ANO10: variants seen among roughly 807,000 people sequenced by gnomAD.
ANO10 encodes the protein anoctamin 10.
ANO10 carries 77 observed loss-of-function variants against 74.7 expected under a neutral mutation model. That is an observed-to-expected ratio of 1.03 (90% CI 0.86 to 1.25). The LOEUF is 1.25. ANO10 is among the 50% of genes most tolerant of loss of function. ANO10 has a pLI of 0.00. For synonymous variants in ANO10, 279 were observed against 284.9 expected (o/e 0.98, Z 0.21); for missense variants, 721 against 778.1 (o/e 0.93, Z 0.87).
intron 12 of ANO10, among the ~76,000 whole-genome samples, chr3:43,393,377 T>C (rs904734223): frequency 1.3e-5 from 2 of 152,214 alleles, no homozygotes; most frequent in South Asian, 4.1e-4. Context: ...TCTCTACATT[T>C]TGACCACCTT....
chr3:43,630,989 A>T (rs2083540396), intron 1 of ANO10, among the ~76,000 whole-genome samples: 1 of 152,154 alleles, frequency 6.6e-6, no homozygotes, highest in African/African-American at 2.4e-5. Flanking sequence ...ATGTTAGTAG[A>T]GCCCAGTTTC....
In ANO10 at chr3:43,600,502, A is replaced by G; in HGVS notation, c.219T>C (p.Gly73=). 1 of 1,613,760 alleles carries G rather than the reference A, an allele frequency of 6.2e-7. No individual in the cohort carries two copies. Among genetic ancestry groups the G allele is most frequent in the Non-Finnish European group, 8.5e-7 (1 of 1,179,660 alleles). Reference sequence around the variant, plus strand: ...CTAGTAACATTCTAATCTTGGAGGCACCAACAAGATATAAGTTCTGATTTT... The same window carrying G: ...CTAGTAACATTCTAATCTTGGAGGCGCCAACAAGATATAAGTTCTGATTTT... The part of the protein sequence containing the change: ...TLENQNLYLV[G]ASKIRMLLGA... Residue 73 remains glycine (G), a synonymous_variant, in exon 3 of 13, where the codon GGT becomes GGC. Transcript: ENST00000292246.
intron 11 of ANO10, among the ~76,000 whole-genome samples, chr3:43,508,943 T>TAAAAAAAAAAAAAAA (rs35265220): frequency 9.5e-6 from 1 of 104,718 alleles, no homozygotes; most frequent in Non-Finnish European, 2.0e-5. Flanking sequence ...TAAAGTATAA[T>TAAAAAAAAAAAAAAA]AAAAAAAAAA....
chr3:43,622,733 T>C (rs1305770448), upstream of ANO10, among the ~76,000 whole-genome samples: 1 of 152,026 alleles, frequency 6.6e-6, no homozygotes, highest in Non-Finnish European at 1.5e-5. Context: ...CCTCCCTCAG[T>C]GTTTGCTGGG....
intron 1 of ANO10, among the ~76,000 whole-genome samples, chr3:43,686,767 T>C (rs2084280510): frequency 6.6e-6 from 1 of 152,192 alleles, no homozygotes; most frequent in African/African-American, 2.4e-5. Context: ...TCAGAGAGTG[T>C]GGGTCTAGAA....
chr3:43,375,345 G>A (rs2091763716), intron 12 of ANO10, among the ~76,000 whole-genome samples: 1 of 152,136 alleles, frequency 6.6e-6, no homozygotes, highest in Non-Finnish European at 1.5e-5. Flanking sequence ...CTACTCGGGA[G>A]GCTAGTGTAG....
At chr3:43,402,117 C>G (rs1314032664) in intron 12 of ANO10, among the ~76,000 whole-genome samples, 1 of 152,216 alleles carries the variant, frequency 6.6e-6, no homozygotes, top group African/African-American at 2.4e-5. Flanking sequence ...TGCTCACTCA[C>G]TAGTTTTCCT....
intron 12 of ANO10, among the ~76,000 whole-genome samples, chr3:43,423,119 A>G (rs897668725): frequency 1.1e-5 from 1 of 88,628 alleles, no homozygotes; most frequent in Non-Finnish European, 2.8e-5. Context: ...TTTTTTTTGG[A>G]AAAAAAAAAA....
chr3:43,612,885 C>T (rs1018080008), intron 1 of ANO10, among the ~76,000 whole-genome samples: 2 of 151,994 alleles, frequency 1.3e-5, no homozygotes, highest in Non-Finnish European at 2.9e-5. Flanking sequence ...ATTATACTCC[C>T]GGCTGGGCAC....
At chr3:43,516,156 G>A (rs1008316104) in intron 11 of ANO10, among the ~76,000 whole-genome samples, 12 of 152,170 alleles carry the variant, frequency 7.9e-5, no homozygotes, top group African/African-American at 2.9e-4. Flanking sequence ...TCAAAGAACT[G>A]ATCAACTAGG....
rs199937334 is a variant in ANO10, at chr3:43,476,959, GT to G, written c.1798-44233del. ...ATCTCCACAGTGGGCAGATACAAGAGTTTTTTTTTCTTTTACCATGGGTAAA... is the reference window on the plus strand; with the variant it reads ...ATCTCCACAGTGGGCAGATACAAGAGTTTTTTTTCTTTTACCATGGGTAAA... On this transcript the variant is annotated intron_variant, in intron 11 of 12. Coordinates refer to ENST00000292246, the MANE Select transcript of ANO10 (RefSeq NM_018075.5). 5.5e-4 allele frequency among the ~76,000 whole-genome samples: 83 copies of G among 151,832 alleles called. 1 individual carries two copies. The highest frequency in any genetic ancestry group is 4.4e-3 in the South Asian group (21 of 4,808).
At chr3:43,474,204 G>A (rs2075975686) in intron 11 of ANO10, among the ~76,000 whole-genome samples, 1 of 152,088 alleles carries the variant, frequency 6.6e-6, no homozygotes, top group Non-Finnish European at 1.5e-5. Context: ...GCAAGTTTCA[G>A]TACTTCCCCG....
chr3:43,484,161 G>A (rs931386324), intron 11 of ANO10, among the ~76,000 whole-genome samples: 1 of 152,032 alleles, frequency 6.6e-6, no homozygotes, highest in Non-Finnish European at 1.5e-5. Flanking sequence ...TCAATCTCCT[G>A]GGCTCAAGCG....
intron 12 of ANO10, among the ~76,000 whole-genome samples, chr3:43,383,244 G>C (rs1417793122): frequency 6.6e-6 from 1 of 152,122 alleles, no homozygotes; most frequent in Non-Finnish European, 1.5e-5. Context: ...ACGAGGTCAG[G>C]AGATCCAGAC....
chr3:43,496,525 C>T (rs2076919562), intron 11 of ANO10, among the ~76,000 whole-genome samples: 2 of 152,000 alleles, frequency 1.3e-5, no homozygotes, highest in African/African-American at 4.8e-5. Flanking sequence ...CCTCCATCTT[C>T]CAAGCTCAAG....
At position 43,566,494 on chromosome 3, in the gene ANO10, T is replaced by C. The variant is rs924383911; in HGVS notation, c.1219-767A>G. On this transcript the variant is annotated intron_variant, in intron 7 of 12. Coordinates refer to ENST00000292246, the MANE Select transcript of ANO10 (RefSeq NM_018075.5). The stretch of plus-strand genomic sequence containing the variant: ...CAGCACGCAGCTGGAGATATGAGAA[T>C]GGGCAGACTGCCTCTTCAAGTGGGT... 4.3e-4 allele frequency among the ~76,000 whole-genome samples: 65 copies of C among 152,324 alleles called. No individual in the cohort carries two copies. In the South Asian group the frequency reaches 5.0e-3, roughly 12 times the overall value.
At chr3:43,555,650 CAAT>C (rs1399404450) in intron 9 of ANO10, among the ~76,000 whole-genome samples, 181 bp from the exon 10 acceptor site, 1 of 152,184 alleles carries the variant, frequency 6.6e-6, no homozygotes, top group Non-Finnish European at 1.5e-5. Context: ...CACACACATG[CAAT>C]AATAATTTCA....
intron 12 of ANO10, among the ~76,000 whole-genome samples, chr3:43,416,810 A>G (rs192832290): frequency 9.1e-4 from 138 of 152,324 alleles, no homozygotes; most frequent in African/African-American, 3.0e-3. Flanking sequence ...AAGTTTAGAG[A>G]TTATTGTCAA....
chr3:43,686,586 C>A (rs559464574), intron 1 of ANO10, among the ~76,000 whole-genome samples: 1 of 152,156 alleles, frequency 6.6e-6, no homozygotes, highest in Non-Finnish European at 1.5e-5. Context: ...ACACCCAGCC[C>A]AAACTCTCAT....
Sources: allele counts gnomAD v4.1 joint callset (sites outside exome capture counted in the v4.1 genomes callset), GRCh38; gene constraint gnomAD v4.1.1; transcripts MANE v1.5; gene names NCBI Gene and HGNC (gene_info 2026-07-23, HGNC 2026-07-21).